PKN3: variants seen among roughly 807,000 people sequenced by gnomAD.
PKN3 encodes the protein serine/threonine-protein kinase N3.
In PKN3, 91 loss-of-function variants were observed where a neutral mutation model predicts 113.1. That is an observed-to-expected ratio of 0.80 (90% CI 0.68 to 0.96). The LOEUF is 0.96. Among genes scored for constraint, PKN3 ranks in the 40% least tolerant of loss-of-function variants. The pLI is 0.00. For synonymous variants in PKN3, 467 were observed against 499.0 expected (o/e 0.94, Z 0.85); for missense variants, 1,052 against 1,202.2 (o/e 0.88, Z 1.85).
Position 128,720,739 on chromosome 9 carries a change from A to G in PKN3, c.*133A>G. ...GCCCTTGGGATTCAAAGTGGCAGCCATGGGGCCACTGTTGTGGGCTTTGCT... is the reference window on the plus strand; with the variant it reads ...GCCCTTGGGATTCAAAGTGGCAGCCGTGGGGCCACTGTTGTGGGCTTTGCT... On this transcript the variant is annotated 3_prime_UTR_variant, in exon 22 of 22. Coordinates refer to ENST00000291906, the MANE Select transcript of PKN3 (RefSeq NM_013355.5). This position sits in a 1 kb window ranked among gnomAD's most constrained non-coding sequence, Gnocchi z 5.5. 3 of 758,866 alleles carry G rather than the reference A, an allele frequency of 4.0e-6. No individual in the cohort carries two copies. Among genetic ancestry groups the G allele is most frequent in the Non-Finnish European group, 6.4e-6 (3 of 467,070 alleles). The allele number at this position is 758,866 out of a possible 1,614,324, so 47.0% of individuals were successfully genotyped here. A position where few individuals can be genotyped will look rare whatever the true frequency, so the allele number is the denominator to read the frequency against.
intron 15 of PKN3, among the ~76,000 whole-genome samples, chr9:128,716,163 G>A (rs564019572): frequency 6.6e-6 from 1 of 151,746 alleles, no homozygotes; most frequent in South Asian, 2.1e-4. Flanking sequence ...AAAATTAGCT[G>A]GGCGTGGTGG....
At chr9:128,706,854 G>A in intron 4 of PKN3, 30 bp downstream of exon 4, 2 of 1,613,328 alleles carry the variant, frequency 1.2e-6, no homozygotes, top group South Asian at 1.1e-5. Context: ...GGAGGGCGGA[G>A]CAGGGAAGAG....
In PKN3 at chr9:128,705,483, G is replaced by A. The variant is rs748504331; in HGVS notation, c.205G>A (p.Gly69Ser). 9.0e-6 allele frequency: 14 copies of A among 1,563,090 alleles called. No individual in the cohort carries two copies. Among genetic ancestry groups the A allele is most frequent in the Non-Finnish European group, 1.2e-5 (14 of 1,154,670 alleles). Residue 69 changes from glycine to serine, a missense_variant, in exon 2 of 22, where the codon GGC becomes AGC. By Grantham distance (56) the Gly-to-Ser change is moderately conservative. Coordinates refer to ENST00000291906, the MANE Select transcript of PKN3 (RefSeq NM_013355.5). ...SSNRRLEQLH[G>S]ELRELHARIL... is the part of the protein sequence containing the mutation. Reference sequence around the variant, plus strand: ...CAACCGCCGCCTGGAGCAGCTGCATGGCGAGCTGCGGGAGCTGCACGCCCG... The same window carrying A: ...CAACCGCCGCCTGGAGCAGCTGCATAGCGAGCTGCGGGAGCTGCACGCCCG...
chr9:128,715,167 T>C lies in PKN3; in HGVS notation c.1653-5T>C. 6.2e-7 allele frequency: 1 copy of C among 1,613,840 alleles called. No individual in the cohort carries two copies. Among genetic ancestry groups the C allele is most frequent in the Non-Finnish European group, 8.5e-7 (1 of 1,179,854 alleles). On this transcript the variant is annotated splice_region_variant and splice_polypyrimidine_tract_variant and intron_variant, in intron 13 of 21. Coordinates refer to ENST00000291906, the MANE Select transcript of PKN3 (RefSeq NM_013355.5). This position sits in a 1 kb window ranked among gnomAD's most constrained non-coding sequence, Gnocchi z 4.1. ...GGACTTCATATACCCTCTCTTCCTTTGCAGGAAACCCCCTCGGCTTCAGGA... is the reference window on the plus strand; with the variant it reads ...GGACTTCATATACCCTCTCTTCCTTCGCAGGAAACCCCCTCGGCTTCAGGA...
chr9:128,703,542 C>T (rs1024801725), intron 1 of PKN3: 10 of 985,220 alleles, frequency 1.0e-5, no homozygotes, highest in Middle Eastern at 5.2e-4. Flanking sequence ...CGCGTGGGCC[C>T]GGAGGACCGA....
Position 128,718,352 on chromosome 9 carries a change from G to A in PKN3, c.2013G>A (p.Gly671=), listed in dbSNP as rs1862406704. 6.2e-7 allele frequency: 1 copy of A among 1,613,812 alleles called. No homozygotes were observed. The highest frequency in any genetic ancestry group is 8.5e-7 in the Non-Finnish European group (1 of 1,179,968). The change falls in exon 17 of 22, where the codon GGG becomes GGA. Residue 671 remains glycine, a synonymous_variant. Transcript: ENST00000291906. ...TCTACGTGGCTTGTGTTGTCCTGGG[G>A]CTGCAGTTCTTACACGAGAAGAAGA... The part of the protein sequence containing the change: ...ARFYVACVVL[G]LQFLHEKKII...
In PKN3 at chr9:128,713,218, CA is replaced by C. The variant is rs745734304; in HGVS notation, c.982+21del. 6 of 1,609,470 alleles carry C rather than the reference CA, an allele frequency of 3.7e-6. No individual in the cohort carries two copies. Among genetic ancestry groups the C allele is most frequent in the Non-Finnish European group, 5.1e-6 (6 of 1,176,972 alleles). On this transcript the variant is annotated intron_variant, in intron 7 of 21. Coordinates refer to ENST00000291906, the MANE Select transcript of PKN3 (RefSeq NM_013355.5). ...TTGCCAGTGAGTAGGGAAGGAGCTT[CA>C]GGGGGAGCAGGAGACCCCTGCTTCA...
In PKN3 at chr9:128,707,384, G is replaced by A. The variant is rs754199667; in HGVS notation, c.814G>A (p.Val272Met). ...ATACCCCCAGCCTTCAGGGACACCTGTGAAGCCCACCGCCCTAACAGGTAG... is the reference window on the plus strand; with the variant it reads ...ATACCCCCAGCCTTCAGGGACACCTATGAAGCCCACCGCCCTAACAGGTAG... ...PGYPQPSGTP[V>M]KPTALTGTLQ... Residue 272 changes from valine to methionine, a missense_variant, in exon 6 of 22, where the codon GTG becomes ATG. Around this residue, in one of 2 missense-constraint regions of PKN3, gnomAD observed 719 missense variants for 759.4 expected, o/e 0.95. Transcript: ENST00000291906. 1.7e-5 allele frequency: 27 copies of A among 1,610,774 alleles called. No homozygotes were observed. Among genetic ancestry groups the A allele is most frequent in the Admixed American group, 1.5e-4 (9 of 59,862 alleles).
chr9:128,703,020 C>A (rs1861900016), intron 1 of PKN3, 81 bp downstream of exon 1: 3 of 984,626 alleles, frequency 3.0e-6, no homozygotes, highest in Non-Finnish European at 4.2e-6. Flanking sequence ...GAACCGCGGC[C>A]GCTTCCCCCG....
intron 6 of PKN3, among the ~76,000 whole-genome samples, chr9:128,708,572 C>T (rs1399357700): frequency 6.6e-6 from 1 of 150,940 alleles, no homozygotes; most frequent in African/African-American, 2.4e-5. Context: ...TGGCTGGGCA[C>T]AGTGGCTCAA....
chr9:128,705,839 C>T lies in PKN3; in HGVS notation c.371C>T (p.Ala124Val), dbSNP rs765956426. Residue 124 changes from alanine (A) to valine (V), a missense_variant, in exon 3 of 22, where the codon GCT becomes GTT. Physicochemically the swap from Ala to Val is moderately conservative, Grantham distance 64. Around this residue, in one of 2 missense-constraint regions of PKN3, gnomAD observed 719 missense variants for 759.4 expected, o/e 0.95. Transcript: ENST00000291906. The stretch of plus-strand genomic sequence containing the variant: ...GTGGAGCTGAAGGTGAAGCAGGGGG[C>T]TGAGAACATGACCCACACGTGCGCC... ...LHVELKVKQG[A>V]ENMTHTCASG... The T allele has an allele frequency of 6.2e-7, 1 of 1,608,564 alleles. No homozygotes were observed. The highest frequency in any genetic ancestry group is 1.1e-5 in the South Asian group (1 of 89,936).
intron 1 of PKN3, chr9:128,703,364 G>C (rs1861912134): frequency 2.0e-6 from 2 of 985,198 alleles, no homozygotes; most frequent in Non-Finnish European, 2.4e-6. Context: ...GGCGCAGTCT[G>C]TGCGCGCTTG....
At chr9:128,711,749 C>T (rs1404387632) in intron 6 of PKN3, among the ~76,000 whole-genome samples, 1 of 151,908 alleles carries the variant, frequency 6.6e-6, no homozygotes, top group Non-Finnish European at 1.5e-5. Context: ...CAGGCGCCCA[C>T]CGCCATGCCC....
intron 11 of PKN3, 33 bp from the exon 12 acceptor site, chr9:128,714,529 G>C: frequency 1.0e-6 from 1 of 961,236 alleles, no homozygotes; most frequent in East Asian, 2.4e-5. Flanking sequence ...GCGTCTGCCT[G>C]TGCTGGGCAC....
At position 128,714,571 on chromosome 9, in the gene PKN3, GC is replaced by G; in HGVS notation, c.1494del (p.Lys499ArgfsTer9). On this transcript the variant is annotated frameshift_variant, in exon 12 of 22. Transcript: ENST00000291906. LOFTEE classifies it high-confidence loss of function. Reference sequence around the variant, plus strand: ...TACTTTCTCCCTACAGTAATTTCCTGCCCAAGAAGACCCCCTTGGGTGAAGA... The same window carrying G: ...TACTTTCTCCCTACAGTAATTTCCTGCCAAGAAGACCCCCTTGGGTGAAGA... ...SDPATPSNFL[P>X]KKTPLGEEMT... 8.0e-7 allele frequency: 1 copy of G among 1,245,984 alleles called. No individual in the cohort carries two copies. The highest frequency in any genetic ancestry group is 1.2e-6 in the Non-Finnish European group (1 of 843,740). The allele number at this position is 1,245,984 out of a possible 1,614,324, so 77.2% of individuals were successfully genotyped here. A position where few individuals can be genotyped will look rare whatever the true frequency, so the allele number is the denominator to read the frequency against.
At position 128,713,269 on chromosome 9, in the gene PKN3, G is replaced by T. The variant is rs1054667058; in HGVS notation, c.983-9G>T. 2.5e-6 allele frequency: 4 copies of T among 1,613,596 alleles called. No individual in the cohort carries two copies. In the African/African-American group the frequency reaches 5.3e-5, roughly 22 times the overall value. ...AGGCCTGCCCTGAGTCCCGGCTCTG[G>T]CCCTGCAGGCGAGGTGCTGGCTGTG... On this transcript the variant is annotated splice_polypyrimidine_tract_variant and intron_variant, in intron 7 of 21. Transcript: ENST00000291906.
In PKN3 at chr9:128,711,022, G is replaced by T. The variant is rs532283949; in HGVS notation, c.836-2030G>T. Among the ~76,000 whole-genome samples the T allele has an allele frequency of 1.3e-3, 196 of 151,652 alleles. 1 individual carries two copies. The highest frequency in any genetic ancestry group is 1.5e-3 in the Non-Finnish European group (100 of 67,894). ...AGTTTTGCTCTTATTGCCCAGGCTGGAGTGCAGTGACACGATCTTATTGCC... is the reference window on the plus strand; with the variant it reads ...AGTTTTGCTCTTATTGCCCAGGCTGTAGTGCAGTGACACGATCTTATTGCC... On this transcript the variant is annotated intron_variant, in intron 6 of 21. Transcript: ENST00000291906.
chr9:128,707,264 C>G lies in PKN3; in HGVS notation c.694C>G (p.Leu232Val). ...LQESSQKLDL[L>V]RLALEQLLEQ... ...GGAGTCCTCTCAGAAACTGGACCTC[C>G]TGCGCCTGGCCTTGGAGCAGCTGCT... The change falls in exon 6 of 22, where the codon CTG (leucine) becomes GTG (valine). Residue 232 changes from leucine (L) to valine (V), a missense_variant. By Grantham distance (32) the Leu-to-Val change is conservative. This residue lies in a region of PKN3 where 719 missense variants were observed against 759.4 expected (regional missense o/e 0.95). Transcript: ENST00000291906. The G allele has an allele frequency of 6.2e-7, 1 of 1,612,624 alleles. No homozygotes were observed. Among genetic ancestry groups the G allele is most frequent in the Non-Finnish European group, 8.5e-7 (1 of 1,178,992 alleles).
chr9:128,714,292 A>G lies in PKN3; in HGVS notation c.1408A>G (p.Thr470Ala). ...NLLPPCSSPS[T>A]ISPPKGCPRT... ...GCTGCCCCCCTGCAGCTCCCCGAGC[A>G]CAATCAGCCCCCCTAAAGGATGCCC... The change falls in exon 11 of 22, where the codon ACA (threonine) becomes GCA (alanine). Residue 470 changes from threonine to alanine, a missense_variant. Physicochemically the swap from Thr to Ala is moderately conservative, Grantham distance 58. Transcript: ENST00000291906. 6.2e-7 allele frequency: 1 copy of G among 1,613,506 alleles called. No individual in the cohort carries two copies. Among genetic ancestry groups the G allele is most frequent in the Non-Finnish European group, 8.5e-7 (1 of 1,179,772 alleles).
Sources: allele counts gnomAD v4.1 joint callset (sites outside exome capture counted in the v4.1 genomes callset), GRCh38; gene constraint gnomAD v4.1.1; regional missense constraint gnomAD v4.1.1; non-coding constraint Gnocchi (gnomAD v3.1); transcripts MANE v1.5; gene names NCBI Gene and HGNC (gene_info 2026-07-23, HGNC 2026-07-21).